Variants in RAB2A observed in about 807,000 individuals in gnomAD.
RAB2A encodes the protein ras-related protein Rab-2A.
Under a neutral mutation model 32.5 loss-of-function variants are expected in RAB2A, and 7 were observed. The ratio of observed to expected loss-of-function variants is 0.22; its 90% CI spans 0.12 to 0.40. The LOEUF is 0.40. Among genes scored for constraint, RAB2A ranks in the 10% least tolerant of loss-of-function variants. The pLI is 1.00. For synonymous variants in RAB2A, 79 were observed against 85.2 expected (o/e 0.93, Z 0.40); for missense variants, 108 against 260.7 (o/e 0.41, Z 4.03).
chr8:60,586,487 C>T (rs1270016056), intron 5 of RAB2A, among the ~76,000 whole-genome samples: 1 of 151,224 alleles, frequency 6.6e-6, no homozygotes, highest in African/African-American at 2.4e-5. Context: ...TTAGCAATAT[C>T]AGGAAAGAAA....
Position 60,546,891 on chromosome 8 carries a change from CTT to C in RAB2A, c.47-11938_47-11937del, listed in dbSNP as rs6150606. Among the ~76,000 whole-genome samples, 321 of 98,918 alleles carry C rather than the reference CTT, an allele frequency of 3.2e-3. 1 individual carries two copies. Among genetic ancestry groups the C allele is most frequent in the African/African-American group, 0.011 (255 of 22,556 alleles). The allele number at this position is 98,918 out of a possible 152,430, so 64.9% of individuals were successfully genotyped here. A position where few individuals can be genotyped will look rare whatever the true frequency, so the allele number is the denominator to read the frequency against. On this transcript the variant is annotated intron_variant, in intron 1 of 7. Coordinates refer to ENST00000262646, the MANE Select transcript of RAB2A (RefSeq NM_002865.3). ...TGCTTTTTGTTTTTGTTTTTTGGGT[CTT>C]TTTTTTTTTTTTTTTTTTTTTTATT...
chr8:60,526,022 T>TAC (rs1807377586), intron 1 of RAB2A, among the ~76,000 whole-genome samples: 1 of 54,630 alleles, frequency 1.8e-5, no homozygotes. Flanking sequence ...TGTGTGTACA[T>TAC]ATATATATAT....
At chr8:60,597,920 T>A (rs1373946341) in intron 6 of RAB2A, among the ~76,000 whole-genome samples, 1 of 115,448 alleles carries the variant, frequency 8.7e-6, no homozygotes, top group Non-Finnish European at 1.6e-5. Context: ...CCCACATAAA[T>A]GTGACAACTT....
chr8:60,524,329 C>T (rs987309203), intron 1 of RAB2A, among the ~76,000 whole-genome samples: 15 of 152,258 alleles, frequency 9.9e-5, no homozygotes, highest in African/African-American at 3.4e-4. Context: ...CCTAATTTTG[C>T]CATCTCAGCT....
At chr8:60,579,633 CTT>C (rs60422550) in intron 3 of RAB2A, among the ~76,000 whole-genome samples, 23 of 148,658 alleles carry the variant, frequency 1.5e-4, no homozygotes, top group South Asian at 1.1e-3. Flanking sequence ...CCTAAGTTAA[CTT>C]TTTTTTTTTT....
chr8:60,568,146 G>A (rs1213154810), intron 2 of RAB2A, among the ~76,000 whole-genome samples: 1 of 152,214 alleles, frequency 6.6e-6, no homozygotes, highest in East Asian at 1.9e-4. Flanking sequence ...GAGTCCATAT[G>A]TTACCATGCT....
intron 1 of RAB2A, among the ~76,000 whole-genome samples, chr8:60,555,672 G>GT (rs1229341556): frequency 6.6e-6 from 1 of 152,146 alleles, no homozygotes; most frequent in Non-Finnish European, 1.5e-5. Context: ...TCTCATCTTA[G>GT]TTAGAATGGC....
At chr8:60,565,325 G>T (rs537921978) in intron 2 of RAB2A, among the ~76,000 whole-genome samples, 1 of 151,514 alleles carries the variant, frequency 6.6e-6, no homozygotes, top group East Asian at 2.0e-4. Flanking sequence ...AGACTGAGGC[G>T]GGAGGATTGC....
rs369243559 is a variant in RAB2A, at chr8:60,552,210, C to A, written c.47-6642C>A. ...TAGAGATAGGGTTTCACCATGTTGG[C>A]CAGGCTGGTCTTGAACTCCTGACCT... On this transcript the variant is annotated intron_variant, in intron 1 of 7. Transcript: ENST00000262646. Among the ~76,000 whole-genome samples, 7 of 152,062 alleles carry A rather than the reference C, an allele frequency of 4.6e-5. No homozygotes were observed. In the East Asian group the frequency reaches 1.2e-3, roughly 25 times the overall value.
At chr8:60,612,192 T>C (rs1429755469) in intron 6 of RAB2A, among the ~76,000 whole-genome samples, 3 of 152,190 alleles carry the variant, frequency 2.0e-5, no homozygotes, top group Non-Finnish European at 2.9e-5. Flanking sequence ...TGTGTTCTTA[T>C]TGTTCAACTC....
intron 1 of RAB2A, among the ~76,000 whole-genome samples, chr8:60,549,893 A>G (rs945266598): frequency 2.4e-4 from 36 of 150,832 alleles, no homozygotes; most frequent in Non-Finnish European, 4.0e-4. Context: ...AAAAAAAAAA[A>G]GTTTTGGAAT....
chr8:60,534,133 G>A (rs1442430464), intron 1 of RAB2A, among the ~76,000 whole-genome samples: 2 of 152,198 alleles, frequency 1.3e-5, no homozygotes, highest in African/African-American at 2.4e-5. Context: ...TTCTAAAGGT[G>A]TGTGGACAGG....
At chr8:60,570,230 TATAG>T (rs1277012811) in intron 2 of RAB2A, among the ~76,000 whole-genome samples, 3 of 152,178 alleles carry the variant, frequency 2.0e-5, no homozygotes, top group African/African-American at 7.2e-5. Context: ...TTATGAGCAA[TATAG>T]ATAGTTTTGG....
intron 1 of RAB2A, among the ~76,000 whole-genome samples, chr8:60,540,772 G>A (rs541111510): frequency 2.0e-5 from 3 of 152,276 alleles, no homozygotes; most frequent in South Asian, 2.1e-4. Context: ...GTGAGCCACC[G>A]TGCCCAGCCC....
chr8:60,609,101 T>G (rs891188932), intron 6 of RAB2A, among the ~76,000 whole-genome samples: 42 of 152,316 alleles, frequency 2.8e-4, no homozygotes, highest in African/African-American at 1.0e-3. Flanking sequence ...ATCAAACTCC[T>G]TAGCTTGGCA....
intron 2 of RAB2A, among the ~76,000 whole-genome samples, chr8:60,569,694 A>G (rs1433501508): frequency 1.3e-5 from 2 of 151,930 alleles, no homozygotes; most frequent in Non-Finnish European, 2.9e-5. Context: ...TTAATTTTTC[A>G]TGGAGACTGG....
intron 6 of RAB2A, among the ~76,000 whole-genome samples, chr8:60,598,095 G>T (rs1287999998): frequency 6.6e-6 from 1 of 152,308 alleles, no homozygotes; most frequent in East Asian, 1.9e-4. Context: ...CTACTCGGGA[G>T]GCTAAGGCAG....
intron 6 of RAB2A, among the ~76,000 whole-genome samples, chr8:60,594,162 A>C (rs372951454): frequency 6.6e-6 from 1 of 152,224 alleles, no homozygotes; most frequent in Admixed American, 6.5e-5. Flanking sequence ...TATATGATGC[A>C]TCATAAGTCC....
At chr8:60,617,687 G>A (rs1377242746) in intron 6 of RAB2A, among the ~76,000 whole-genome samples, 1 of 152,160 alleles carries the variant, frequency 6.6e-6, no homozygotes, top group East Asian at 1.9e-4. Flanking sequence ...AGAGGTTGCA[G>A]TGAACCGAGA....
Sources: gnomAD v4.1 joint callset for allele counts (sites outside exome capture counted in the v4.1 genomes callset) on GRCh38, gnomAD v4.1.1 for gene constraint, MANE v1.5 for transcripts, NCBI Gene and HGNC (gene_info 2026-07-23, HGNC 2026-07-21) for gene names.